The following VWA8 variants were observed in gnomAD, a reference collection of about 807,000 sequenced individuals.
VWA8 encodes von Willebrand factor A domain-containing protein 8.
Under a neutral mutation model 241.5 loss-of-function variants are expected in VWA8, and 221 were observed. That is an observed-to-expected ratio of 0.91 (90% confidence interval 0.82 to 1.02). The LOEUF (loss-of-function observed/expected upper bound fraction) is 1.02. VWA8 is among the 50% of genes least tolerant of loss of function. The pLI is 0.00. For missense variants in VWA8, 2,322 were observed against 2,328.7 expected (o/e 1.00, Z 0.06); for synonymous variants, 852 against 827.1 (o/e 1.03, Z -0.52).
rs773587608 is a variant in VWA8 at position 41,760,709 on chromosome 13, T to C, written c.2426+419A>G. Among the ~76,000 whole-genome samples the C allele has an allele frequency of 4.4e-4, 67 of 152,074 alleles. 1 individual carries two copies. The highest frequency in any genetic ancestry group is 6.8e-3 in the Middle Eastern group (2 of 294). On this transcript the variant is annotated intron_variant, in intron 21 of 44. Coordinates refer to ENST00000379310, the MANE Select transcript of VWA8 (RefSeq NM_015058.2). The stretch of plus-strand genomic sequence containing the variant: ...ACTTTAAGGAAGGCAAGGAGACAAA[T>C]AATAACATGCTTCTACCAGATTTCT...
chr13:41,946,753 A>G (rs956183081), intron 2 of VWA8, among the ~76,000 whole-genome samples: 3 of 152,158 alleles, frequency 2.0e-5, no homozygotes, highest in African/African-American at 4.8e-5. Context: ...CTTGGGTTAG[A>G]TGAAAGTGAC....
At chr13:41,876,710 A>C (rs1210922981) in intron 9 of VWA8, among the ~76,000 whole-genome samples, 2 of 152,176 alleles carry the variant, frequency 1.3e-5, no homozygotes, top group African/African-American at 4.8e-5. Flanking sequence ...GGATGGAATG[A>C]ATAATCTTTT....
chr13:41,928,457 T>C lies in VWA8; in HGVS notation c.242-16289A>G, dbSNP rs77227794. ...CAGTAACAGGAAGAATCCTGGAAAATTTACAAATATGTGAAAATGAAACAA... is the reference window on the plus strand; with the variant it reads ...CAGTAACAGGAAGAATCCTGGAAAACTTACAAATATGTGAAAATGAAACAA... On this transcript the variant is annotated intron_variant, in intron 2 of 44. Transcript: ENST00000379310. Among the ~76,000 whole-genome samples the C allele has an allele frequency of 5.2e-3, 792 of 151,886 alleles. 10 individuals are homozygous for C. The highest frequency in any genetic ancestry group is 0.018 in the African/African-American group (754 of 41,428).
intron 3 of VWA8, 67 bp from the exon 4 acceptor site, chr13:41,907,763 G>GT: frequency 7.2e-7 from 1 of 1,390,376 alleles, no homozygotes. Flanking sequence ...TTTGGAACTA[G>GT]TTATCTGACA....
intron 44 of VWA8, 114 bp from the exon 45 acceptor site, chr13:41,568,419 T>A: frequency 1.4e-6 from 1 of 712,282 alleles, no homozygotes; most frequent in Non-Finnish European, 2.4e-6. Context: ...AGTTTTTACT[T>A]TCTAATACCT....
At chr13:41,911,984 T>C (rs1876023386) in intron 3 of VWA8, 54 bp downstream of exon 3, 10 of 1,420,990 alleles carry the variant, frequency 7.0e-6, no homozygotes, top group Non-Finnish European at 9.3e-6. Context: ...CTTATTTTAT[T>C]TCATAGCTTA....
At chr13:41,882,908 AG>A (rs1324574994) in intron 9 of VWA8, among the ~76,000 whole-genome samples, 2 of 152,180 alleles carry the variant, frequency 1.3e-5, no homozygotes, top group Non-Finnish European at 2.9e-5. Flanking sequence ...GGAGACAGCT[AG>A]AAAATATGTG....
chr13:41,888,528 ATCT>A (rs1874657055), intron 5 of VWA8, among the ~76,000 whole-genome samples: 1 of 152,128 alleles, frequency 6.6e-6, no homozygotes, highest in South Asian at 2.1e-4. Context: ...ACACTACTCC[ATCT>A]TCTTGGAACA....
chr13:41,827,667 C>T (rs557193092), intron 14 of VWA8, among the ~76,000 whole-genome samples: 37 of 152,330 alleles, frequency 2.4e-4, no homozygotes, highest in African/African-American at 7.9e-4. Context: ...TCTCCACTTT[C>T]TCCCAGTGAC....
chr13:41,586,093 T>C (rs2044416077), intron 42 of VWA8, among the ~76,000 whole-genome samples: 1 of 151,588 alleles, frequency 6.6e-6, no homozygotes, highest in Non-Finnish European at 1.5e-5. Context: ...TTAAGAACTA[T>C]AATCTATCTC....
Position 41,816,785 on chromosome 13 carries a change from G to T in VWA8, c.1870-10C>A, listed in dbSNP as rs548256400. 18 of 1,606,174 alleles carry T rather than the reference G, an allele frequency of 1.1e-5. 1 individual carries two copies. In the South Asian group the frequency reaches 1.8e-4, roughly 16 times the overall value. On this transcript the variant is annotated splice_polypyrimidine_tract_variant and intron_variant, in intron 15 of 44. Transcript: ENST00000379310. ...GAGGTACATTTGGGACCTATTTTTT[G>T]AAAGAGTTGAGGACAAACAGAAGGA...
chr13:41,718,783 CA>C (rs1233848081), intron 26 of VWA8, among the ~76,000 whole-genome samples: 4 of 151,448 alleles, frequency 2.6e-5, no homozygotes, highest in African/African-American at 9.7e-5. Flanking sequence ...ATATTTAACA[CA>C]TTTTTTTCTA....
At chr13:41,931,482 A>T (rs545200567) in intron 2 of VWA8, among the ~76,000 whole-genome samples, 1 of 152,096 alleles carries the variant, frequency 6.6e-6, no homozygotes, top group East Asian at 1.9e-4. Flanking sequence ...CCAAGTCTAG[A>T]GATCTAATGT....
chr13:41,960,739 G>T, intron 1 of VWA8, 114 bp downstream of exon 1: 1 of 1,360,152 alleles, frequency 7.4e-7, no homozygotes, highest in Non-Finnish European at 9.5e-7. Flanking sequence ...CTCCCCGCTC[G>T]GCAAACGGTC....
chr13:41,945,255 T>C (rs549063356), intron 2 of VWA8, among the ~76,000 whole-genome samples: 1 of 151,554 alleles, frequency 6.6e-6, no homozygotes, highest in African/African-American at 2.4e-5. Context: ...ACACAGACTT[T>C]AAAGAAATAG....
chr13:41,779,058 G>A (rs1235398198), intron 19 of VWA8, among the ~76,000 whole-genome samples: 3 of 150,642 alleles, frequency 2.0e-5, no homozygotes, highest in Admixed American at 2.0e-4. Context: ...AGCCAGGATG[G>A]TCTTGATCTC....
intron 37 of VWA8, among the ~76,000 whole-genome samples, chr13:41,668,638 A>G (rs1437454462): frequency 1.3e-5 from 2 of 152,170 alleles, no homozygotes; most frequent in Non-Finnish European, 2.9e-5. Context: ...CTTGTAATTA[A>G]TAAGATGAGC....
At chr13:41,640,017 G>A (rs920538762) in intron 37 of VWA8, among the ~76,000 whole-genome samples, 2 of 152,100 alleles carry the variant, frequency 1.3e-5, no homozygotes, top group African/African-American at 4.8e-5. Context: ...GAAGCAAAGT[G>A]CTCTTTATGT....
At chr13:41,683,895 T>C (rs2045117163) in intron 35 of VWA8, among the ~76,000 whole-genome samples, 1 of 152,126 alleles carries the variant, frequency 6.6e-6, no homozygotes, top group Non-Finnish European at 1.5e-5. Flanking sequence ...TGAATGCAGG[T>C]GCACTAAACT....
Sources: gnomAD v4.1 joint callset for allele counts (sites outside exome capture counted in the v4.1 genomes callset) on GRCh38, gnomAD v4.1.1 for gene constraint, MANE v1.5 for transcripts, NCBI Gene and HGNC (gene_info 2026-07-23, HGNC 2026-07-21) for gene names.